UBE4B: variants seen among roughly 807,000 people sequenced by gnomAD.
The protein encoded by UBE4B is ubiquitin conjugation factor E4 B.
A neutral mutation model predicts 148.1 loss-of-function variants in UBE4B; 27 were observed. The observed-to-expected ratio is 0.18, with a 90% CI of 0.13 to 0.25. The LOEUF (loss-of-function observed/expected upper bound fraction) is 0.25. UBE4B is among the 10% of genes least tolerant of loss of function. The probability of loss-of-function intolerance (pLI) is 1.00; values close to 1 mark genes in which losing one functional copy is unlikely to be tolerated. For missense variants in UBE4B, 1,170 were observed against 1,662.4 expected (o/e 0.70, Z 5.15); for synonymous variants, 596 against 619.3 (o/e 0.96, Z 0.56).
intron 1 of UBE4B, among the ~76,000 whole-genome samples, chr1:10,039,589 C>T (rs1310700235): frequency 6.7e-6 from 1 of 150,352 alleles, no homozygotes; most frequent in Non-Finnish European, 1.5e-5. Context: ...GCCACCATGC[C>T]CTGCTGATTT....
rs1646282321 is a variant in UBE4B at position 10,168,111 on chromosome 1, T to C, written c.3199-25T>C. ...GCTGATGACCAGGACCGAGCCTTAC[T>C]CAGCGTCTGTTCGATGTGTCCTAGG... On this transcript the variant is annotated intron_variant, in intron 23 of 27. Coordinates refer to ENST00000343090, the MANE Select transcript of UBE4B (RefSeq NM_001105562.3). This position sits in a 1 kb window ranked among gnomAD's most constrained non-coding sequence, Gnocchi z 4.9. The C allele has an allele frequency of 6.2e-6, 10 of 1,606,580 alleles. No individual in the cohort carries two copies. The highest frequency in any genetic ancestry group is 8.5e-6 in the Non-Finnish European group (10 of 1,174,900).
intron 1 of UBE4B, among the ~76,000 whole-genome samples, chr1:10,064,012 G>A (rs1204760542): frequency 2.0e-5 from 3 of 152,008 alleles, no homozygotes; most frequent in Non-Finnish European, 4.4e-5. Context: ...AGTGTCTTAG[G>A]ATGGTATTCA....
At position 10,077,319 on chromosome 1, in the gene UBE4B, C is replaced by T. The variant is rs536706717; in HGVS notation, c.211+5105C>T. 5.3e-5 allele frequency among the ~76,000 whole-genome samples: 8 copies of T among 152,262 alleles called. No individual in the cohort carries two copies. In the South Asian group the frequency reaches 1.0e-3, roughly 20 times the overall value. On this transcript the variant is annotated intron_variant, in intron 2 of 27. Transcript: ENST00000343090. The stretch of plus-strand genomic sequence containing the variant: ...ACGTCCGTCTTCACATGGCCATCTT[C>T]GTTCTGTGTGTGTCTGTGTCCAAAT...
At chr1:10,083,480 G>A (rs1433537167) in intron 2 of UBE4B, among the ~76,000 whole-genome samples, 2 of 152,184 alleles carry the variant, frequency 1.3e-5, no homozygotes, top group African/African-American at 4.8e-5. Context: ...TTTATGGTAA[G>A]TTGTCTTTGG....
intron 16 of UBE4B, among the ~76,000 whole-genome samples, chr1:10,136,664 A>G (rs927139516): frequency 9.2e-5 from 14 of 152,152 alleles, no homozygotes; most frequent in African/African-American, 3.4e-4. Context: ...TCACGCCTGT[A>G]ATCCCAGCAC....
At chr1:10,152,804 GAAA>G (rs780983694) in intron 21 of UBE4B, among the ~76,000 whole-genome samples, 5 of 141,224 alleles carry the variant, frequency 3.5e-5, no homozygotes, top group Admixed American at 3.5e-4. Context: ...TCTCAAAAAA[GAAA>G]AAAAAAAAGC....
intron 1 of UBE4B, among the ~76,000 whole-genome samples, chr1:10,066,433 AT>A (rs1011751155): frequency 4.0e-5 from 6 of 148,770 alleles, no homozygotes; most frequent in Non-Finnish European, 7.5e-5. Flanking sequence ...CTGACCATGA[AT>A]TTTTTTTTTA....
chr1:10,091,873 T>A (rs964615598), intron 2 of UBE4B, among the ~76,000 whole-genome samples: 10 of 152,126 alleles, frequency 6.6e-5, no homozygotes, highest in African/African-American at 2.2e-4. Flanking sequence ...TCAAAAGTGC[T>A]GAGATTACAG....
At chr1:10,120,304 T>C (rs900434154) in intron 9 of UBE4B, among the ~76,000 whole-genome samples, 1 of 152,142 alleles carries the variant, frequency 6.6e-6, no homozygotes, top group Non-Finnish European at 1.5e-5. Flanking sequence ...GCGGATCACC[T>C]GAGGTCAGGA....
chr1:10,151,710 CT>C (rs1300364275), intron 21 of UBE4B, 149 bp downstream of exon 21: 6 of 686,864 alleles, frequency 8.7e-6, no homozygotes, highest in Admixed American at 2.9e-5. Context: ...AGAGGATGTA[CT>C]TTTGGTTCTT....
intron 9 of UBE4B, among the ~76,000 whole-genome samples, chr1:10,120,705 G>A (rs1428315938): frequency 1.3e-5 from 2 of 151,712 alleles, no homozygotes; most frequent in African/African-American, 4.8e-5. Flanking sequence ...GGGCATGGTG[G>A]CACGCACCTG....
rs371255144 is a variant in UBE4B, at chr1:10,111,000, T to TTCTCTCTGTCTCTCTCTGTC, written c.1196+4429_1196+4448dup. The stretch of plus-strand genomic sequence containing the variant: ...GATAGAGTGAAACCCTGTCCCTCTC[T>TTCTCTCTGTCTCTCTCTGTC]TCTCTCTGTCTCTCTCTGTCTCTCT... On this transcript the variant is annotated intron_variant, in intron 7 of 27. Coordinates refer to ENST00000343090, the MANE Select transcript of UBE4B (RefSeq NM_001105562.3). Among the ~76,000 whole-genome samples the TTCTCTCTGTCTCTCTCTGTC allele has an allele frequency of 4.1e-5, 6 of 146,668 alleles. No homozygotes were observed. The South Asian group carries it at 1.3e-3, about 31-fold the overall frequency.
chr1:10,035,839 G>T (rs984853083), intron 1 of UBE4B, among the ~76,000 whole-genome samples: 23 of 150,746 alleles, frequency 1.5e-4, no homozygotes, highest in Middle Eastern at 3.4e-3. Context: ...CGCTTCCCGG[G>T]TTCACGCCAT....
chr1:10,172,825 G>A (rs1350328949), intron 25 of UBE4B, among the ~76,000 whole-genome samples: 4 of 152,040 alleles, frequency 2.6e-5, no homozygotes, highest in Admixed American at 1.3e-4. Context: ...TGTTTCTGTC[G>A]ATGCTGGACC....
intron 21 of UBE4B, 23 bp from the exon 22 acceptor site, chr1:10,158,331 CAG>C (rs1646107041): frequency 6.2e-7 from 1 of 1,613,086 alleles, no homozygotes; most frequent in African/African-American, 1.3e-5. Flanking sequence ...ACATATCCCT[CAG>C]TACCTTTGTC....
intron 2 of UBE4B, among the ~76,000 whole-genome samples, chr1:10,089,549 A>G (rs1644815078): frequency 6.6e-6 from 1 of 152,122 alleles, no homozygotes; most frequent in South Asian, 2.1e-4. Context: ...TGTTAACCAA[A>G]TAAAGTGCAA....
intron 1 of UBE4B, among the ~76,000 whole-genome samples, chr1:10,062,357 G>A (rs1257928807): frequency 6.6e-6 from 1 of 152,084 alleles, no homozygotes; most frequent in African/African-American, 2.4e-5. Context: ...CTGTCGCCCA[G>A]GCTGGAGTGC....
intron 20 of UBE4B, 89 bp downstream of exon 20, chr1:10,149,371 A>G (rs902799158): frequency 1.7e-5 from 18 of 1,060,326 alleles, no homozygotes; most frequent in Non-Finnish European, 2.2e-5. Flanking sequence ...CCTCCATTTC[A>G]TGCCTGAAAT....
At chr1:10,128,069 G>C (rs1645530688) in intron 11 of UBE4B, among the ~76,000 whole-genome samples, 1 of 152,164 alleles carries the variant, frequency 6.6e-6, no homozygotes, top group African/African-American at 2.4e-5. Context: ...CTTATGTATT[G>C]TTCTCCCTGT....
Sources: allele counts gnomAD v4.1 joint callset (sites outside exome capture counted in the v4.1 genomes callset), GRCh38; gene constraint gnomAD v4.1.1; non-coding constraint Gnocchi (gnomAD v3.1); transcripts MANE v1.5; gene names NCBI Gene and HGNC (gene_info 2026-07-23, HGNC 2026-07-21).